Variants in STPG2 observed in about 807,000 individuals in gnomAD.
STPG2 encodes sperm-tail PG-rich repeat-containing protein 2.
A neutral mutation model predicts 54.2 loss-of-function variants in STPG2; 56 were observed. The observed-to-expected ratio is 1.03, with a 90% confidence interval of 0.83 to 1.29. The LOEUF (loss-of-function observed/expected upper bound fraction) is 1.29, where lower values mean the gene tolerates loss of function less well. STPG2 is among the 50% of genes most tolerant of loss of function. The pLI, the probability that STPG2 is intolerant of heterozygous loss-of-function variation, is 0.00. For missense variants in STPG2, 596 were observed against 544.9 expected, an observed-to-expected ratio of 1.09 and a Z score of -0.93; for synonymous variants, 200 against 181.8, an observed-to-expected ratio of 1.10 and a Z score of -0.81.
chr4:97,984,586 A>G (rs1042859595), intron 5 of STPG2, among the ~76,000 whole-genome samples: 10 of 152,224 alleles, frequency 6.6e-5, no homozygotes, highest in Admixed American at 5.2e-4. Flanking sequence ...CATTTGAAAT[A>G]AAACTGCTCA....
At chr4:97,995,000 G>A (rs1424470301) in intron 5 of STPG2, among the ~76,000 whole-genome samples, 2 of 152,048 alleles carry the variant, frequency 1.3e-5, no homozygotes, top group East Asian at 1.9e-4. Context: ...TAATAGGGAT[G>A]TGGTTCCCAG....
chr4:97,879,935 A>AT (rs1730310151), intron 8 of STPG2, among the ~76,000 whole-genome samples: 1 of 152,182 alleles, frequency 6.6e-6, no homozygotes, highest in South Asian at 2.1e-4. Context: ...TTATCCAGCA[A>AT]TCCCATTTCT....
intron 8 of STPG2, among the ~76,000 whole-genome samples, chr4:97,871,950 A>T (rs1730003372): frequency 6.6e-6 from 1 of 151,118 alleles, no homozygotes; most frequent in Admixed American, 6.6e-5. Flanking sequence ...AACCATGAAC[A>T]AATGGGGCTT....
At chr4:97,829,329 T>A (rs547806017) in intron 9 of STPG2, among the ~76,000 whole-genome samples, 2 of 151,996 alleles carry the variant, frequency 1.3e-5, no homozygotes, top group East Asian at 3.9e-4. Flanking sequence ...AGCATCAACA[T>A]CAACAAAAAG....
chr4:98,011,044 C>T (rs1185076510), intron 5 of STPG2, among the ~76,000 whole-genome samples: 2 of 152,034 alleles, frequency 1.3e-5, no homozygotes, highest in Non-Finnish European at 2.9e-5. Context: ...CTGCACTGAT[C>T]AACCCATCAT....
intron 5 of STPG2, among the ~76,000 whole-genome samples, chr4:98,024,455 C>T (rs546395125): frequency 6.6e-6 from 1 of 152,272 alleles, no homozygotes; most frequent in East Asian, 1.9e-4. Flanking sequence ...GTTTTCAAAT[C>T]CATATGTCCT....
Position 98,143,173 on chromosome 4 carries a change from C to G in STPG2, c.-23G>C. On this transcript the variant is annotated 5_prime_UTR_variant, in exon 1 of 11. Coordinates refer to ENST00000295268, the MANE Select transcript of STPG2 (RefSeq NM_174952.3). ...CATAGTGCTCGGGGTGGTGGGGGCG[C>G]TGGGGAAGGGCAGGTGCCGAAAACG... 1 of 1,589,858 alleles carries G rather than the reference C, an allele frequency of 6.3e-7. No homozygotes were observed. Among genetic ancestry groups the G allele is most frequent in the Non-Finnish European group, 8.6e-7 (1 of 1,160,604 alleles).
intron 4 of STPG2, among the ~76,000 whole-genome samples, chr4:97,491,295 C>T (rs865800705): frequency 1.6e-4 from 25 of 151,636 alleles, no homozygotes; most frequent in Middle Eastern, 6.8e-3. Context: ...TCTTTAAAAT[C>T]CAAAAGATGT....
chr4:97,738,429 G>A (rs1184354788), intron 9 of STPG2, among the ~76,000 whole-genome samples: 1 of 152,120 alleles, frequency 6.6e-6, no homozygotes, highest in Non-Finnish European at 1.5e-5. Context: ...ATTGGATAAA[G>A]AGTCAAGACC....
intron 10 of STPG2, among the ~76,000 whole-genome samples, chr4:97,666,884 A>C (rs973515955): frequency 6.6e-6 from 1 of 152,118 alleles, no homozygotes; most frequent in African/African-American, 2.4e-5. Context: ...CACCACCAGA[A>C]CCACCACCTC....
intron 10 of STPG2, among the ~76,000 whole-genome samples, chr4:97,668,809 G>A (rs1722608090): frequency 6.6e-6 from 1 of 152,058 alleles, no homozygotes; most frequent in African/African-American, 2.4e-5. Flanking sequence ...TTATCAGCGG[G>A]TCATTCCGAA....
intron 10 of STPG2, among the ~76,000 whole-genome samples, chr4:97,632,405 CATA>C (rs1444760510): frequency 6.6e-6 from 1 of 151,304 alleles, no homozygotes; most frequent in Non-Finnish European, 1.5e-5. Flanking sequence ...TGTTAATGTT[CATA>C]ATAATAAAAA....
At chr4:97,857,689 C>T (rs541274655) in intron 8 of STPG2, among the ~76,000 whole-genome samples, 4 of 151,460 alleles carry the variant, frequency 2.6e-5, no homozygotes, top group African/African-American at 9.7e-5. Flanking sequence ...ACCAAATAAA[C>T]AAAACAAGGC....
At chr4:97,597,307 A>G (rs1465496031) in intron 10 of STPG2, among the ~76,000 whole-genome samples, 1 of 152,158 alleles carries the variant, frequency 6.6e-6, no homozygotes. Context: ...AGATGGATTC[A>G]CAGCCAAATC....
intron 8 of STPG2, among the ~76,000 whole-genome samples, chr4:97,942,162 G>A (rs546981851): frequency 8.9e-5 from 13 of 146,596 alleles, no homozygotes; most frequent in South Asian, 8.7e-4. Context: ...TATTTAAAAC[G>A]TATCTATACA....
chr4:98,055,316 C>T (rs1414628906), intron 5 of STPG2, among the ~76,000 whole-genome samples: 1 of 151,816 alleles, frequency 6.6e-6, no homozygotes, highest in Non-Finnish European at 1.5e-5. Flanking sequence ...ACAAGTGAAA[C>T]AGCTCCCATG....
intron 5 of STPG2, among the ~76,000 whole-genome samples, chr4:98,095,684 G>A (rs1485754549): frequency 6.6e-6 from 1 of 152,108 alleles, no homozygotes; most frequent in East Asian, 1.9e-4. Flanking sequence ...AATATTATAA[G>A]AGCTAAAGAA....
chr4:97,719,663 C>T (rs1724389128), intron 9 of STPG2, among the ~76,000 whole-genome samples: 1 of 151,860 alleles, frequency 6.6e-6, no homozygotes, highest in African/African-American at 2.4e-5. Flanking sequence ...ATATCTGAAT[C>T]TTATGTGCCT....
intron 10 of STPG2, among the ~76,000 whole-genome samples, chr4:97,611,874 A>G (rs1733739035): frequency 6.6e-6 from 1 of 151,924 alleles, no homozygotes; most frequent in South Asian, 2.1e-4. Context: ...ATGTAAATGA[A>G]TATGTATTGA....
Sources: allele counts gnomAD v4.1 joint callset (sites outside exome capture counted in the v4.1 genomes callset), GRCh38; gene constraint gnomAD v4.1.1; transcripts MANE v1.5; gene names NCBI Gene and HGNC (gene_info 2026-07-23, HGNC 2026-07-21).